Variants in RTN4 observed in about 807,000 individuals in gnomAD.
RTN4 encodes reticulon 4.
In RTN4, 32 loss-of-function variants were observed where a neutral mutation model predicts 90.4. The ratio of observed to expected loss-of-function variants is 0.35; its 90% CI spans 0.27 to 0.48. The LOEUF is 0.48. RTN4 is among the 20% of genes least tolerant of loss of function. The pLI, the probability that RTN4 is intolerant of heterozygous loss-of-function variation, is 0.99. For synonymous variants in RTN4, 629 were observed against 552.5 expected, an observed-to-expected ratio of 1.14 and a Z score of -1.94; for missense variants, 1,706 against 1,430.2, an observed-to-expected ratio of 1.19 and a Z score of -3.11.
intron 1 of RTN4, among the ~76,000 whole-genome samples, chr2:55,105,579 C>A (rs1460187789): frequency 6.6e-6 from 1 of 151,988 alleles, no homozygotes; most frequent in African/African-American, 2.4e-5. Flanking sequence ...TTGTTACTGA[C>A]CCTTTATCTA....
At chr2:54,993,545 TC>T (rs1434825082) in intron 3 of RTN4, among the ~76,000 whole-genome samples, 1 of 152,200 alleles carries the variant, frequency 6.6e-6, no homozygotes, top group African/African-American at 2.4e-5. Flanking sequence ...ACCTACCACT[TC>T]CTTTCCTCTT....
At chr2:55,119,906 TTC>T in the RTN4 span, among the ~76,000 whole-genome samples, 1 of 152,210 alleles carries the variant, frequency 6.6e-6, no homozygotes, top group Admixed American at 6.5e-5. Flanking sequence ...TCATTTCTCC[TTC>T]TCTCAGCTGC....
At chr2:55,042,173 T>G (rs1486984281) in intron 1 of RTN4, among the ~76,000 whole-genome samples, 1 of 152,142 alleles carries the variant, frequency 6.6e-6, no homozygotes, top group Non-Finnish European at 1.5e-5. Flanking sequence ...AAAGGTACCT[T>G]AACAGGTTGG....
chr2:55,070,870 G>C (rs991744520), intron 2 of RTN4, among the ~76,000 whole-genome samples: 1 of 151,388 alleles, frequency 6.6e-6, no homozygotes, highest in Admixed American at 6.6e-5. Flanking sequence ...TCTGTCTCCC[G>C]GGTTCACGCC....
At chr2:55,059,340 T>C (rs1445312539) in intron 2 of RTN4, among the ~76,000 whole-genome samples, 1 of 151,670 alleles carries the variant, frequency 6.6e-6, no homozygotes, top group African/African-American at 2.4e-5. Flanking sequence ...TTAATACATA[T>C]AGTAGAAATT....
chr2:55,075,626 T>C lies in RTN4; in HGVS notation c.-63+4863A>G, dbSNP rs374265503. Among the ~76,000 whole-genome samples the C allele has an allele frequency of 2.5e-3, 381 of 152,282 alleles. 17 individuals carry two copies. The South Asian group carries it at 0.076, about 30-fold the overall frequency. On this transcript the variant is annotated intron_variant, in intron 2 of 3. Coordinates refer to the RTN4 transcript ENST00000427710. ...ATATGGAACCAAAAAAGAGCTCATA[T>C]AGCCAAATCAAGATTAAGCAAAAAG...
intron 1 of RTN4, among the ~76,000 whole-genome samples, chr2:55,107,518 A>T (rs1667964718): frequency 6.6e-6 from 1 of 151,852 alleles, no homozygotes; most frequent in Non-Finnish European, 1.5e-5. Flanking sequence ...CCTCACAGCC[A>T]GTATGAGACT....
the RTN4 span, among the ~76,000 whole-genome samples, chr2:55,129,128 AAAAAG>A: frequency 7.3e-5 from 11 of 150,802 alleles, no homozygotes; most frequent in Non-Finnish European, 1.5e-4. Flanking sequence ...AAAAGAAAAA[AAAAAG>A]AAAAGGGGGT....
intron 3 of RTN4, among the ~76,000 whole-genome samples, chr2:55,022,099 C>T (rs1681485089): frequency 6.6e-6 from 1 of 152,144 alleles, no homozygotes; most frequent in South Asian, 2.1e-4. Context: ...CCAGGTTTAA[C>T]AAAAACAATC....
chr2:54,986,075 C>G (rs1435163438), intron 4 of RTN4, among the ~76,000 whole-genome samples: 1 of 152,100 alleles, frequency 6.6e-6, no homozygotes, highest in Admixed American at 6.5e-5. Flanking sequence ...AAAAGTATGA[C>G]TGAGGCAGCT....
chr2:55,029,990 G>C (rs944494679), intron 1 of RTN4, among the ~76,000 whole-genome samples: 1 of 152,158 alleles, frequency 6.6e-6, no homozygotes, highest in Non-Finnish European at 1.5e-5. Context: ...GGGTCAAAGA[G>C]CAGAACCAAA....
At chr2:55,084,077 C>A (rs116389014) in intron 1 of RTN4, among the ~76,000 whole-genome samples, 3 of 152,154 alleles carry the variant, frequency 2.0e-5, no homozygotes, top group Non-Finnish European at 4.4e-5. Flanking sequence ...TACTCTGCAA[C>A]CTCCAGGAAG....
chr2:55,130,289 T>C, the RTN4 span, among the ~76,000 whole-genome samples: 1 of 152,244 alleles, frequency 6.6e-6, no homozygotes, highest in South Asian at 2.1e-4. Context: ...TTTAAACATG[T>C]ACACTCCCCA....
At chr2:55,108,104 G>A (rs1558883165) in intron 1 of RTN4, among the ~76,000 whole-genome samples, 1 of 151,898 alleles carries the variant, frequency 6.6e-6, no homozygotes, top group Non-Finnish European at 1.5e-5. Flanking sequence ...TACAGGCGAT[G>A]CCACAATTCC....
the RTN4 span, among the ~76,000 whole-genome samples, chr2:55,136,549 C>A: frequency 6.6e-6 from 1 of 152,210 alleles, no homozygotes; most frequent in Non-Finnish European, 1.5e-5. Context: ...AGTCTCTCAC[C>A]ACACCTTATG....
At chr2:55,024,323 C>T (rs1469288404) in intron 3 of RTN4, among the ~76,000 whole-genome samples, 1 of 152,186 alleles carries the variant, frequency 6.6e-6, no homozygotes, top group Non-Finnish European at 1.5e-5. Flanking sequence ...AGCAACTGGT[C>T]TACCACTGTT....
Position 54,973,929 on chromosome 2 carries a change from CAAA to C in RTN4, c.3431-65_3431-63del, listed in dbSNP as rs112157194. 1.3e-5 allele frequency: 18 copies of C among 1,411,084 alleles called. No individual in the cohort carries two copies. In the African/African-American group the frequency reaches 1.7e-4, roughly 13 times the overall value. 87.4% of individuals were successfully genotyped at this position (1,411,084 alleles called of 1,614,324 possible). ...GAATGATTTGGGAGGAATAAACACT[CAAA>C]AAACTATTAAACTGGCAACTCAAGA... On this transcript the variant is annotated intron_variant, in intron 6 of 8. Transcript: ENST00000337526.
At chr2:55,017,610 A>C (rs2104822206) in intron 3 of RTN4, among the ~76,000 whole-genome samples, 1 of 152,314 alleles carries the variant, frequency 6.6e-6, no homozygotes, top group Admixed American at 6.5e-5. Context: ...GCAACCAACA[A>C]ACATATATTA....
chr2:55,084,766 T>G (rs1288671274), intron 1 of RTN4, among the ~76,000 whole-genome samples: 3 of 152,142 alleles, frequency 2.0e-5, no homozygotes, highest in African/African-American at 7.2e-5. Flanking sequence ...AACTCACACA[T>G]TTTGGTGACC....
Sources: gnomAD v4.1 joint callset for allele counts (sites outside exome capture counted in the v4.1 genomes callset) on GRCh38, gnomAD v4.1.1 for gene constraint, MANE v1.5 for transcripts, NCBI Gene and HGNC (gene_info 2026-07-23, HGNC 2026-07-21) for gene names.